ARHGAP28: variants seen among roughly 807,000 people sequenced by gnomAD.
ARHGAP28 encodes the protein rho GTPase-activating protein 28.
ARHGAP28 carries 56 observed loss-of-function variants against 90.7 expected under a neutral mutation model. That is an observed-to-expected ratio of 0.62 (90% CI 0.50 to 0.77). The LOEUF (loss-of-function observed/expected upper bound fraction) is 0.77, where lower values mean the gene tolerates loss of function less well. Ranked by LOEUF, ARHGAP28 falls within the 30% of genes least tolerant of loss-of-function variation. ARHGAP28 has a pLI of 0.00. For missense variants in ARHGAP28, 869 were observed against 900.9 expected, an observed-to-expected ratio of 0.96 and a Z score of 0.45; for synonymous variants, 308 against 323.3, an observed-to-expected ratio of 0.95 and a Z score of 0.51.
chr18:6,849,896 G>T (rs1367725), intron 3 of ARHGAP28, among the ~76,000 whole-genome samples: 107,292 of 151,968 alleles, frequency 0.71, 38,077 homozygotes, highest in East Asian at 0.84. Flanking sequence ...ATTCTGAACA[G>T]TCTCTTCCAA....
chr18:6,820,046 T>C (rs9676010), intron 1 of ARHGAP28, among the ~76,000 whole-genome samples: 101,433 of 151,986 alleles, frequency 0.67, 34,421 homozygotes, highest in Middle Eastern at 0.74. Context: ...AAAAGGAAAA[T>C]GTGACCTATA....
At chr18:6,867,369 T>A (rs1325218000) in intron 5 of ARHGAP28, among the ~76,000 whole-genome samples, 1 of 152,188 alleles carries the variant, frequency 6.6e-6, no homozygotes, top group Non-Finnish European at 1.5e-5. Flanking sequence ...TAAAAGATTC[T>A]TGATGGAGTA....
Position 6,835,351 on chromosome 18 carries a change from C to A in ARHGAP28, c.326-1846C>A, listed in dbSNP as rs2056745455. Among the ~76,000 whole-genome samples the A allele has an allele frequency of 2.0e-5, 3 of 152,174 alleles. No homozygotes were observed. The South Asian group carries it at 6.2e-4, about 31-fold the overall frequency. On this transcript the variant is annotated intron_variant, in intron 2 of 17. Coordinates refer to ENST00000383472, the MANE Select transcript of ARHGAP28 (RefSeq NM_001366230.1). Reference sequence around the variant, plus strand: ...CTTAAGGAAGAGCTCCATGTCATAACTCTTAACTTAAAGGGCTTACTACTT... The same window carrying A: ...CTTAAGGAAGAGCTCCATGTCATAAATCTTAACTTAAAGGGCTTACTACTT...
intron 1 of ARHGAP28, among the ~76,000 whole-genome samples, chr18:6,751,197 A>G (rs890645264): frequency 2.0e-5 from 3 of 152,176 alleles, no homozygotes; most frequent in Non-Finnish European, 4.4e-5. Flanking sequence ...TTCAGAGAAG[A>G]CAATTTTTTA....
chr18:6,844,129 A>G (rs577349563), intron 3 of ARHGAP28, among the ~76,000 whole-genome samples: 4 of 152,330 alleles, frequency 2.6e-5, no homozygotes, highest in African/African-American at 9.6e-5. Context: ...GCAACTAGCT[A>G]AAAGTGGAAT....
chr18:6,739,674 T>TC (rs1296305379), intron 1 of ARHGAP28, among the ~76,000 whole-genome samples: 5 of 151,608 alleles, frequency 3.3e-5, no homozygotes, highest in Non-Finnish European at 7.4e-5. Flanking sequence ...TCTCTCTCTT[T>TC]CTTTCAGAAG....
In ARHGAP28 at chr18:6,729,813, C is replaced by T. The variant is rs755565820; in HGVS notation, c.-9C>T. 4.5e-5 allele frequency: 63 copies of T among 1,403,082 alleles called. 2 individuals are homozygous for T. The South Asian group carries it at 8.2e-4, about 18-fold the overall frequency. The allele number at this position is 1,403,082 out of a possible 1,614,324, so 86.9% of individuals were successfully genotyped here. ...TCTGGGGCCGGCGCCGAGACATGCG[C>T]GGCTGACGATGGAGGTGGAGGACTC... On this transcript the variant is annotated 5_prime_UTR_variant, in exon 1 of 18. Transcript: ENST00000383472.
At chr18:6,878,262 G>A (rs191020568) in intron 10 of ARHGAP28, among the ~76,000 whole-genome samples, 12 of 147,132 alleles carry the variant, frequency 8.2e-5, no homozygotes, top group East Asian at 6.1e-4. Flanking sequence ...ACCAAACACC[G>A]CATGTTCTCA....
At chr18:6,852,721 G>C (rs1257396667) in intron 4 of ARHGAP28, among the ~76,000 whole-genome samples, 1 of 152,190 alleles carries the variant, frequency 6.6e-6, no homozygotes, top group Non-Finnish European at 1.5e-5. Context: ...TGGCTAGGAG[G>C]CTCCGATACC....
intron 1 of ARHGAP28, among the ~76,000 whole-genome samples, chr18:6,773,106 T>A (rs567513896): frequency 2.0e-5 from 3 of 152,338 alleles, no homozygotes; most frequent in South Asian, 4.1e-4. Context: ...GAGTTTTACC[T>A]TGTGTAGAAT....
chr18:6,828,033 C>T (rs976699258), intron 2 of ARHGAP28, among the ~76,000 whole-genome samples: 13 of 152,090 alleles, frequency 8.5e-5, no homozygotes, highest in African/African-American at 2.7e-4. Flanking sequence ...GAGCCGAGAT[C>T]ACGCCACTGC....
rs1474970732 is a variant in ARHGAP28, at chr18:6,896,623, A to C, written c.2027A>C (p.Asn676Thr). ...KDILAKFQYE[N>T]SHGSSECIKI... The stretch of plus-strand genomic sequence containing the variant: ...ATATTGGCAAAATTTCAATATGAAA[A>C]CAGGTGAGTCAATGTGAATGAAGGT... Residue 676 changes from asparagine (N) to threonine (T), a missense_variant, in exon 16 of 18, where the codon AAC becomes ACC. Transcript: ENST00000383472. 3 of 1,614,086 alleles carry C rather than the reference A, an allele frequency of 1.9e-6. No homozygotes were observed. The highest frequency in any genetic ancestry group is 2.5e-6 in the Non-Finnish European group (3 of 1,179,996).
At chr18:6,770,940 C>T (rs1600168272) in intron 1 of ARHGAP28, among the ~76,000 whole-genome samples, 2 of 152,288 alleles carry the variant, frequency 1.3e-5, no homozygotes, top group African/African-American at 4.8e-5. Flanking sequence ...AATCTGTAAC[C>T]TTCAGGTTCA....
At chr18:6,745,996 A>G (rs2056020088) in intron 1 of ARHGAP28, among the ~76,000 whole-genome samples, 1 of 152,152 alleles carries the variant, frequency 6.6e-6, no homozygotes, top group Non-Finnish European at 1.5e-5. Flanking sequence ...TCATTTCTCC[A>G]TTGTAGACCC....
chr18:6,879,296 CA>C (rs563935232), intron 10 of ARHGAP28, among the ~76,000 whole-genome samples: 45 of 152,318 alleles, frequency 3.0e-4, no homozygotes, highest in Admixed American at 4.6e-4. Context: ...TAGTTTGAAT[CA>C]TTCCAAGGCT....
chr18:6,903,528 A>G (rs200167920), intron 16 of ARHGAP28, among the ~76,000 whole-genome samples: 1 of 152,248 alleles, frequency 6.6e-6, no homozygotes, highest in Non-Finnish European at 1.5e-5. Context: ...TGTAAATAAA[A>G]CAAGATAGAA....
At chr18:6,898,599 T>A in intron 16 of ARHGAP28, 2 of 1,595,718 alleles carry the variant, frequency 1.3e-6, no homozygotes, top group Non-Finnish European at 1.7e-6. Flanking sequence ...ACTTGAAATA[T>A]CATTCAAGGG....
chr18:6,862,102 A>T (rs2057003166), intron 5 of ARHGAP28, among the ~76,000 whole-genome samples: 2 of 152,288 alleles, frequency 1.3e-5, no homozygotes, highest in South Asian at 4.1e-4. Flanking sequence ...CTTTTAGAAA[A>T]GGTAAACAAA....
chr18:6,827,651 C>G (rs1440259249), intron 2 of ARHGAP28, among the ~76,000 whole-genome samples: 1 of 143,796 alleles, frequency 7.0e-6, no homozygotes, highest in Non-Finnish European at 1.5e-5. Flanking sequence ...ACCCCCCCCC[C>G]ACCTCCCTCC....
Sources: gnomAD v4.1 joint callset for allele counts (sites outside exome capture counted in the v4.1 genomes callset) on GRCh38, gnomAD v4.1.1 for gene constraint, MANE v1.5 for transcripts, NCBI Gene and HGNC (gene_info 2026-07-23, HGNC 2026-07-21) for gene names.